CLEC5A: variants seen among roughly 807,000 people sequenced by gnomAD.
CLEC5A encodes the protein C-type lectin domain family 5 member A.
CLEC5A carries 15 observed loss-of-function variants against 24.4 expected under a neutral mutation model. That is an observed-to-expected ratio of 0.62 (90% CI 0.41 to 0.95). The LOEUF (loss-of-function observed/expected upper bound fraction) is 0.95, where lower values mean the gene tolerates loss of function less well. Among genes scored for constraint, CLEC5A ranks in the 40% least tolerant of loss-of-function variants. The probability of loss-of-function intolerance (pLI) is 0.00; values close to 1 mark genes in which losing one functional copy is unlikely to be tolerated. For missense variants in CLEC5A, 211 were observed against 224.0 expected, an observed-to-expected ratio of 0.94 and a Z score of 0.37; for synonymous variants, 71 against 72.6, an observed-to-expected ratio of 0.98 and a Z score of 0.11.
intron 4 of CLEC5A, among the ~76,000 whole-genome samples, chr7:141,939,786 A>G (rs551048925): frequency 2.9e-4 from 44 of 152,268 alleles, no homozygotes; most frequent in African/African-American, 1.0e-3. Context: ...AACAGTAGCT[A>G]TACTTATTTC....
At position 141,927,722 on chromosome 7, in the gene CLEC5A, A is replaced by G. The variant is rs541372679; in HGVS notation, c.*2382T>C. On this transcript the variant is annotated 3_prime_UTR_variant, in exon 7 of 7. Transcript: ENST00000546910. Reference sequence around the variant, plus strand: ...TTTAAGGCACCCTTCTCTGACTTGCACAAATTTTTATTCCCATATTATAAA... The same window carrying G: ...TTTAAGGCACCCTTCTCTGACTTGCGCAAATTTTTATTCCCATATTATAAA... The G allele has an allele frequency of 6.6e-6, 1 of 152,306 alleles. No individual in the cohort carries two copies. The highest frequency in any genetic ancestry group is 1.9e-4 in the East Asian group (1 of 5,182). The allele number at this position is 152,306 out of a possible 1,614,324, so 9.4% of individuals were successfully genotyped here.
intron 4 of CLEC5A, among the ~76,000 whole-genome samples, chr7:141,938,109 G>T (rs2128961443): frequency 6.6e-6 from 1 of 152,272 alleles, no homozygotes. Flanking sequence ...TCTATGCCCA[G>T]ACACTGATGA....
In CLEC5A at chr7:141,929,448, AAG is replaced by A. The variant is rs1308121188; in HGVS notation, c.*654_*655del. On this transcript the variant is annotated 3_prime_UTR_variant, in exon 7 of 7. Coordinates refer to ENST00000546910, the MANE Select transcript of CLEC5A (RefSeq NM_013252.3). ...TAAGTGTCTCTTCAGGGCTTTGCTG[AAG>A]AACAGAAATCTAGTGTGTTTGGCTC... 2 of 152,218 alleles carry A rather than the reference AAG, an allele frequency of 1.3e-5. No homozygotes were observed. Among genetic ancestry groups the A allele is most frequent in the Non-Finnish European group, 2.9e-5 (2 of 68,056 alleles). 9.4% of individuals were successfully genotyped at this position (152,218 alleles called of 1,614,324 possible).
chr7:141,935,905 A>T lies in CLEC5A; in HGVS notation c.254T>A (p.Leu85Ter). 1 of 1,613,100 alleles carries T rather than the reference A, an allele frequency of 6.2e-7. No homozygotes were observed. Among genetic ancestry groups the T allele is most frequent in the South Asian group, 1.1e-5 (1 of 91,070 alleles). The change falls in exon 5 of 7, where the codon TTA becomes TAA. Residue 85 changes from leucine (L) to a stop codon, truncating the protein, a stop_gained. Coordinates refer to ENST00000546910, the MANE Select transcript of CLEC5A (RefSeq NM_013252.3). LOFTEE classifies it high-confidence loss of function. Reference sequence around the variant, plus strand: ...ATTCCAAGATGATTCAGAAGTGGATAAGAAAAAACATCTTGCTTGATAAAA... The same window carrying T: ...ATTCCAAGATGATTCAGAAGTGGATTAGAAAAAACATCTTGCTTGATAAAA... ...WEFYQARCFF[L>*]STSESSWNES...
intron 5 of CLEC5A, among the ~76,000 whole-genome samples, chr7:141,933,598 A>G (rs922190188): frequency 4.8e-5 from 4 of 83,524 alleles, no homozygotes; most frequent in Non-Finnish European, 1.2e-4. Context: ...ATATATATAT[A>G]TATATATATA....
intron 4 of CLEC5A, among the ~76,000 whole-genome samples, chr7:141,941,534 GC>G (rs1802796996): frequency 6.6e-6 from 1 of 151,838 alleles, no homozygotes; most frequent in Non-Finnish European, 1.5e-5. Flanking sequence ...GGCCGCACTC[GC>G]TTTCATCACT....
At chr7:141,944,181 C>T (rs782371601) in intron 3 of CLEC5A, among the ~76,000 whole-genome samples, 3 of 152,076 alleles carry the variant, frequency 2.0e-5, no homozygotes, top group Non-Finnish European at 4.4e-5. Context: ...TTTCATGTCT[C>T]CTTTTTTTGA....
intron 4 of CLEC5A, among the ~76,000 whole-genome samples, chr7:141,937,256 A>G: frequency 6.6e-6 from 1 of 151,996 alleles, no homozygotes; most frequent in East Asian, 1.9e-4. Context: ...ACTCTTGGAT[A>G]GCATTTCTGG....
intron 5 of CLEC5A, 58 bp downstream of exon 5, chr7:141,935,756 C>T (rs984678538): frequency 2.6e-6 from 4 of 1,551,486 alleles, no homozygotes; most frequent in Non-Finnish European, 3.5e-6. Flanking sequence ...CTACCCCATC[C>T]CACCCACTGA....
At chr7:141,944,100 C>A in intron 3 of CLEC5A, 136 bp from the exon 4 acceptor site, 1 of 564,134 alleles carries the variant, frequency 1.8e-6, no homozygotes, top group Non-Finnish European at 3.3e-6. Flanking sequence ...TAGAACATTT[C>A]AAATAATTTC....
rs782666245 is a variant in CLEC5A, at chr7:141,928,258, A to G, written c.*1846T>C. On this transcript the variant is annotated 3_prime_UTR_variant, in exon 7 of 7. Coordinates refer to ENST00000546910, the MANE Select transcript of CLEC5A (RefSeq NM_013252.3). ...GTGTCTCCTAATCTTGGGGGAAATT[A>G]AACTGTCTACTAAAGAAATCACTAG... 1 of 152,654 alleles carries G rather than the reference A, an allele frequency of 6.6e-6. No individual in the cohort carries two copies. Among genetic ancestry groups the G allele is most frequent in the Non-Finnish European group, 1.5e-5 (1 of 68,044 alleles). 9.5% of individuals were successfully genotyped at this position (152,654 alleles called of 1,614,324 possible).
rs1802642921 is a variant in CLEC5A at position 141,936,771 on chromosome 7, C to G, written c.209-821G>C. Among the ~76,000 whole-genome samples the G allele has an allele frequency of 3.9e-5, 6 of 152,162 alleles. No individual in the cohort carries two copies. The South Asian group carries it at 1.2e-3, about 32-fold the overall frequency. Reference sequence around the variant, plus strand: ...GCTCTCCCAACCCCAAGCAGCACAACTTGCAGCTCCAAAAGAGACCCTTTC... The same window carrying G: ...GCTCTCCCAACCCCAAGCAGCACAAGTTGCAGCTCCAAAAGAGACCCTTTC... On this transcript the variant is annotated intron_variant, in intron 4 of 6. Transcript: ENST00000546910.
intron 4 of CLEC5A, among the ~76,000 whole-genome samples, chr7:141,941,702 A>G (rs1445626101): frequency 2.6e-5 from 4 of 152,100 alleles, no homozygotes; most frequent in East Asian, 1.9e-4. Context: ...CCAAAAAGCT[A>G]TTAGAACTGA....
Position 141,946,244 on chromosome 7 carries a change from C to CT in CLEC5A, c.48dup (p.Val17SerfsTer16). The stretch of plus-strand genomic sequence containing the variant: ...AGTAGAAATAAGGTCATTCCAACAA[C>CT]TTTAAGCACTACCACAATAAGCCCA... On this transcript the variant is annotated frameshift_variant, in exon 2 of 7. Coordinates refer to ENST00000546910, the MANE Select transcript of CLEC5A (RefSeq NM_013252.3). LOFTEE classifies it high-confidence loss of function. The CT allele has an allele frequency of 2.5e-6, 4 of 1,571,392 alleles. No individual in the cohort carries two copies. Among genetic ancestry groups the CT allele is most frequent in the Non-Finnish European group, 3.5e-6 (4 of 1,156,934 alleles).
chr7:141,930,087 G>T lies in CLEC5A; in HGVS notation c.*17C>A. Reference sequence around the variant, plus strand: ...AAAAAGAGTTGCAAGTATAGTTCTTGTCACAGGGAACTGTGATCATTTGGC... The same window carrying T: ...AAAAAGAGTTGCAAGTATAGTTCTTTTCACAGGGAACTGTGATCATTTGGC... On this transcript the variant is annotated 3_prime_UTR_variant, in exon 7 of 7. Coordinates refer to ENST00000546910, the MANE Select transcript of CLEC5A (RefSeq NM_013252.3). 6.4e-7 allele frequency: 1 copy of T among 1,572,348 alleles called. No individual in the cohort carries two copies. Among genetic ancestry groups the T allele is most frequent in the African/African-American group, 1.3e-5 (1 of 74,212 alleles).
At chr7:141,935,348 C>T (rs1453222596) in intron 5 of CLEC5A, among the ~76,000 whole-genome samples, 1 of 152,154 alleles carries the variant, frequency 6.6e-6, no homozygotes, top group African/African-American at 2.4e-5. Flanking sequence ...TGATCATCAA[C>T]TGCAAATTCA....
Position 141,931,846 on chromosome 7 carries a change from T to G in CLEC5A, c.346-20A>C, listed in dbSNP as rs1245250326. ...AAACTTCTGGAAATAAAAAAAAAAT[T>G]TTACCAGTGAGTCTTTTAATGATGC... On this transcript the variant is annotated intron_variant, in intron 5 of 6. Transcript: ENST00000546910. 1.9e-5 allele frequency: 23 copies of G among 1,183,490 alleles called. No homozygotes were observed. The Admixed American group carries it at 4.4e-4, about 23-fold the overall frequency. 73.3% of individuals were successfully genotyped at this position (1,183,490 alleles called of 1,614,324 possible).
intron 4 of CLEC5A, among the ~76,000 whole-genome samples, chr7:141,937,578 C>A (rs1436470787): frequency 1.3e-5 from 2 of 152,156 alleles, no homozygotes; most frequent in African/African-American, 4.8e-5. Flanking sequence ...CATCTCCAGA[C>A]CTATTTAGGG....
intron 5 of CLEC5A, 76 bp downstream of exon 5, chr7:141,935,738 C>CA (rs5888023): frequency 0.67 from 945,472 of 1,413,870 alleles, 319,357 homozygotes; most frequent in Non-Finnish European, 0.69. Context: ...CCCCACTCCC[C>CA]CAAGTTTCTA....
Sources: gnomAD v4.1 joint callset for allele counts (sites outside exome capture counted in the v4.1 genomes callset) on GRCh38, gnomAD v4.1.1 for gene constraint, MANE v1.5 for transcripts, NCBI Gene and HGNC (gene_info 2026-07-23, HGNC 2026-07-21) for gene names.